Variants in ADARB1 observed in about 807,000 individuals in gnomAD.
ADARB1 encodes double-stranded RNA-specific editase 1.
ADARB1 carries 10 observed loss-of-function variants against 52.4 expected under a neutral mutation model. The observed-to-expected ratio is 0.19, with a 90% CI of 0.12 to 0.32. ADARB1 has a LOEUF of 0.32. ADARB1 is among the 10% of genes least tolerant of loss of function. The probability of loss-of-function intolerance (pLI) is 1.00; values close to 1 mark genes in which losing one functional copy is unlikely to be tolerated. For synonymous variants in ADARB1, 349 were observed against 371.1 expected, an observed-to-expected ratio of 0.94 and a Z score of 0.68; for missense variants, 643 against 922.3, an observed-to-expected ratio of 0.70 and a Z score of 3.92.
In ADARB1 at chr21:45,148,867, G is replaced by A. The variant is rs1049425686; in HGVS notation, c.-48+20294G>A. 9.7e-4 allele frequency among the ~76,000 whole-genome samples: 147 copies of A among 152,304 alleles called. 2 individuals carry two copies. Among genetic ancestry groups the A allele is most frequent in the African/African-American group, 3.4e-3 (142 of 41,562 alleles). ...TCTCTCTCCACCCATGCCGCCATGG[G>A]AGAGTTTAGGCTGTCTCGTCCCTGA... On this transcript the variant is annotated intron_variant, in intron 2 of 10. Coordinates refer to ENST00000348831, the MANE Select transcript of ADARB1 (RefSeq NM_001112.4).
At chr21:45,125,555 G>A (rs1569036450) in intron 1 of ADARB1, among the ~76,000 whole-genome samples, 2 of 152,350 alleles carry the variant, frequency 1.3e-5, no homozygotes, top group East Asian at 1.9e-4. Flanking sequence ...GCAGTACCAC[G>A]CCTGCTGCGT....
At chr21:45,187,279 A>G (rs970310636) in intron 8 of ADARB1, among the ~76,000 whole-genome samples, 4 of 152,126 alleles carry the variant, frequency 2.6e-5, no homozygotes, top group African/African-American at 4.8e-5. Context: ...TTTTTGTGCT[A>G]TTGAAAATTG....
chr21:45,171,534 AT>A, intron 2 of ADARB1, 75 bp from the exon 3 acceptor site: 1 of 897,404 alleles, frequency 1.1e-6, no homozygotes, highest in Non-Finnish European at 1.8e-6. Context: ...TGTTGTAATT[AT>A]TTCCTTAGAG....
Position 45,222,428 on chromosome 21 carries a change from T to G in ADARB1, c.*231T>G. The stretch of plus-strand genomic sequence containing the variant: ...GGGCCCAGCATCGCCGCCTGGCATC[T>G]CTCTGCCGCAGCATTTCCCCTTCTG... On this transcript the variant is annotated 3_prime_UTR_variant, in exon 11 of 11. Transcript: ENST00000348831. 7.8e-7 allele frequency: 1 copy of G among 1,287,814 alleles called. No homozygotes were observed. Among genetic ancestry groups the G allele is most frequent in the Non-Finnish European group, 9.8e-7 (1 of 1,022,130 alleles). 79.8% of individuals were successfully genotyped at this position (1,287,814 alleles called of 1,614,324 possible).
chr21:45,151,857 G>C (rs904720762), intron 2 of ADARB1, among the ~76,000 whole-genome samples: 2 of 152,218 alleles, frequency 1.3e-5, no homozygotes. Flanking sequence ...TGGCTGTGCT[G>C]ATCAAGCCAG....
At position 45,176,503 on chromosome 21, in the gene ADARB1, G is replaced by A; in HGVS notation, c.802G>A (p.Val268Ile). 3 of 1,614,200 alleles carry A rather than the reference G, an allele frequency of 1.9e-6. No individual in the cohort carries two copies. The highest frequency in any genetic ancestry group is 1.7e-6 in the Non-Finnish European group (2 of 1,180,038). Residue 268 changes from valine to isoleucine, a missense_variant, in exon 4 of 11, where the codon GTC becomes ATC. Val to Ile is a conservative substitution (Grantham distance 29, BLOSUM62 3). This residue lies in a region of ADARB1 where 380 missense variants were observed against 446.5 expected (regional missense o/e 0.85). Transcript: ENST00000348831. This position sits in a 1 kb window ranked among gnomAD's most constrained non-coding sequence, Gnocchi z 5.8. ...TGCCAAGAGCTTCGTCATGTCTGTG[G>A]TCGTGGATGGTCAGTTCTTTGAAGG... ...SHAKSFVMSV[V>I]VDGQFFEGSG...
intron 2 of ADARB1, among the ~76,000 whole-genome samples, chr21:45,161,650 G>T (rs972689147): frequency 6.6e-6 from 1 of 152,198 alleles, no homozygotes; most frequent in Admixed American, 6.5e-5. Context: ...AATGGTGGCC[G>T]GAGGCAGACA....
intron 2 of ADARB1, among the ~76,000 whole-genome samples, chr21:45,161,943 A>G (rs184361397): frequency 7.2e-5 from 11 of 152,274 alleles, no homozygotes; most frequent in Admixed American, 3.9e-4. Context: ...CTGTCACTCA[A>G]TGAAGCACCT....
At chr21:45,082,844 G>A (rs2086205406) in intron 1 of ADARB1, among the ~76,000 whole-genome samples, 1 of 152,156 alleles carries the variant, frequency 6.6e-6, no homozygotes, top group Non-Finnish European at 1.5e-5. Context: ...CCTTCAGTCT[G>A]TTCTTGACCA....
At chr21:45,083,804 C>T (rs2086238321) in intron 1 of ADARB1, among the ~76,000 whole-genome samples, 2 of 152,222 alleles carry the variant, frequency 1.3e-5, no homozygotes, top group South Asian at 4.1e-4. Flanking sequence ...AAGCGATCCT[C>T]CCGCCTCAGT....
chr21:45,153,363 A>G (rs986104086), intron 2 of ADARB1, among the ~76,000 whole-genome samples: 3 of 152,022 alleles, frequency 2.0e-5, no homozygotes, highest in Admixed American at 6.6e-5. Flanking sequence ...TCTTTGTATA[A>G]TATGAAATAA....
intron 9 of ADARB1, among the ~76,000 whole-genome samples, chr21:45,213,556 T>TCCCC (rs1307629929): frequency 6.6e-6 from 1 of 152,154 alleles, no homozygotes; most frequent in Non-Finnish European, 1.5e-5. Flanking sequence ...TCCCTCCCTC[T>TCCCC]CCCCGATCCC....
intron 2 of ADARB1, among the ~76,000 whole-genome samples, chr21:45,147,486 TAAGGATTTTGTGC>T (rs893303884): frequency 7.9e-5 from 12 of 152,222 alleles, no homozygotes; most frequent in Non-Finnish European, 1.6e-4. Flanking sequence ...CGTGCTTAGG[TAAGGATTTTGTGC>T]AAGGTGACTT....
At chr21:45,138,459 C>T (rs1234621847) in intron 2 of ADARB1, among the ~76,000 whole-genome samples, 1 of 152,182 alleles carries the variant, frequency 6.6e-6, no homozygotes, top group Non-Finnish European at 1.5e-5. Flanking sequence ...CGCTGCAGTA[C>T]AGCAGCAGCA....
At chr21:45,090,311 C>G (rs1333415636) in intron 1 of ADARB1, among the ~76,000 whole-genome samples, 1 of 152,148 alleles carries the variant, frequency 6.6e-6, no homozygotes, top group African/African-American at 2.4e-5. Context: ...TTAATACCTT[C>G]TATTTTTTCA....
chr21:45,101,076 G>A (rs900884180), intron 1 of ADARB1: 1 of 152,602 alleles, frequency 6.6e-6, no homozygotes, highest in Non-Finnish European at 1.5e-5. Context: ...TCCCGTAGCA[G>A]TGCCGCGGCG....
At chr21:45,138,139 T>A (rs1052830726) in intron 2 of ADARB1, among the ~76,000 whole-genome samples, 7 of 152,214 alleles carry the variant, frequency 4.6e-5, no homozygotes, top group African/African-American at 1.7e-4. Context: ...GTGACAGAGA[T>A]GCAACATAAT....
At chr21:45,196,128 T>G (rs139598552) in intron 8 of ADARB1, among the ~76,000 whole-genome samples, 7 of 152,346 alleles carry the variant, frequency 4.6e-5, no homozygotes, top group African/African-American at 1.7e-4. Flanking sequence ...TATACCTAAA[T>G]ATTTCAGTTT....
At chr21:45,129,753 T>A (rs993683934) in intron 2 of ADARB1, among the ~76,000 whole-genome samples, 3 of 151,802 alleles carry the variant, frequency 2.0e-5, no homozygotes, top group Admixed American at 6.6e-5. Context: ...GGCGTGAGCG[T>A]GGATGGATGA....
Sources: allele counts gnomAD v4.1 joint callset (sites outside exome capture counted in the v4.1 genomes callset), GRCh38; gene constraint gnomAD v4.1.1; regional missense constraint gnomAD v4.1.1; non-coding constraint Gnocchi (gnomAD v3.1); transcripts MANE v1.5; gene names NCBI Gene and HGNC (gene_info 2026-07-23, HGNC 2026-07-21).